ADAMTSL1: variants seen among roughly 807,000 people sequenced by gnomAD.
ADAMTSL1 encodes the protein ADAMTS like 1.
Under a neutral mutation model 201.8 loss-of-function variants are expected in ADAMTSL1, and 126 were observed. The ratio of observed to expected loss-of-function variants is 0.62; its 90% CI spans 0.54 to 0.72. ADAMTSL1 has a LOEUF of 0.72. Among genes scored for constraint, ADAMTSL1 ranks in the 30% least tolerant of loss-of-function variants. ADAMTSL1 has a pLI of 0.00. For synonymous variants in ADAMTSL1, 1,121 were observed against 903.4 expected, an observed-to-expected ratio of 1.24 and a Z score of -4.32; for missense variants, 2,679 against 2,277.8, an observed-to-expected ratio of 1.18 and a Z score of -3.59.
chr9:18,371,574 A>T (rs958983170), intron 2 of ADAMTSL1, among the ~76,000 whole-genome samples: 28 of 152,186 alleles, frequency 1.8e-4, no homozygotes, highest in Admixed American at 1.8e-3. Flanking sequence ...AGGTTTATGT[A>T]TTTCTTTGAA....
chr9:18,260,640 C>T (rs1460339702), intron 2 of ADAMTSL1, among the ~76,000 whole-genome samples: 1 of 152,224 alleles, frequency 6.6e-6, no homozygotes, highest in Non-Finnish European at 1.5e-5. Flanking sequence ...ATTGTTTCTG[C>T]TGCCAATCTG....
At chr9:18,032,885 C>CAA (rs1563960065) in intron 1 of ADAMTSL1, among the ~76,000 whole-genome samples, 2 of 116,950 alleles carry the variant, frequency 1.7e-5, no homozygotes, top group South Asian at 5.6e-4. Context: ...TGCTCAGTGA[C>CAA]TCTGTGTGGG....
chr9:18,328,818 C>T (rs1563890341), intron 2 of ADAMTSL1, among the ~76,000 whole-genome samples: 1 of 152,020 alleles, frequency 6.6e-6, no homozygotes, highest in Non-Finnish European at 1.5e-5. Flanking sequence ...GGTCACTGAC[C>T]CTGGAGGATA....
At chr9:18,098,380 G>T (rs1427219766) in intron 1 of ADAMTSL1, among the ~76,000 whole-genome samples, 1 of 152,068 alleles carries the variant, frequency 6.6e-6, no homozygotes, top group East Asian at 1.9e-4. Flanking sequence ...TCGTGGACAT[G>T]ATATATCTTT....
At chr9:18,714,122 C>G (rs1564174236) in intron 14 of ADAMTSL1, among the ~76,000 whole-genome samples, 1 of 152,152 alleles carries the variant, frequency 6.6e-6, no homozygotes, top group Admixed American at 6.5e-5. Flanking sequence ...AAATTTATAG[C>G]ACTAAATGCC....
chr9:18,814,987 TAAACCA>T (rs1454803845), intron 20 of ADAMTSL1, among the ~76,000 whole-genome samples: 1 of 152,008 alleles, frequency 6.6e-6, no homozygotes, highest in Non-Finnish European at 1.5e-5. Flanking sequence ...CAGAGAAATG[TAAACCA>T]AAACCAAAAT....
chr9:18,362,144 G>C (rs557768828), intron 2 of ADAMTSL1: 1 of 152,302 alleles, frequency 6.6e-6, no homozygotes, highest in African/African-American at 2.4e-5. Flanking sequence ...TCTGACACCA[G>C]TGGGCACATA....
chr9:18,202,638 A>C (rs1297155802), intron 2 of ADAMTSL1, among the ~76,000 whole-genome samples: 1 of 152,206 alleles, frequency 6.6e-6, no homozygotes, highest in Non-Finnish European at 1.5e-5. Flanking sequence ...CAAAATGAAG[A>C]CTATGCATCC....
chr9:18,473,396 C>G (rs975310488), upstream of ADAMTSL1, among the ~76,000 whole-genome samples: 2 of 152,174 alleles, frequency 1.3e-5, no homozygotes, highest in South Asian at 4.1e-4. Context: ...ACTGGGGGAT[C>G]TAAGTTTCTA....
intron 7 of ADAMTSL1, among the ~76,000 whole-genome samples, chr9:18,649,799 C>T (rs1351599363): frequency 6.6e-6 from 1 of 152,112 alleles, no homozygotes; most frequent in Admixed American, 6.5e-5. Context: ...TCTGCCCCTA[C>T]TGGGGGGTGC....
intron 20 of ADAMTSL1, among the ~76,000 whole-genome samples, chr9:18,802,892 C>T (rs1822888406): frequency 6.6e-6 from 1 of 152,202 alleles, no homozygotes; most frequent in Non-Finnish European, 1.5e-5. Flanking sequence ...ATTTTAATTA[C>T]AGCCAGCCTC....
chr9:18,763,018 T>C (rs1026657158), intron 16 of ADAMTSL1, among the ~76,000 whole-genome samples: 10 of 152,222 alleles, frequency 6.6e-5, no homozygotes, highest in Admixed American at 3.3e-4. Flanking sequence ...TTTGGGTATA[T>C]ACCCAGCAGT....
At chr9:18,618,536 A>AAAC (rs1480882632) in intron 4 of ADAMTSL1, among the ~76,000 whole-genome samples, 1 of 151,916 alleles carries the variant, frequency 6.6e-6, no homozygotes, top group African/African-American at 2.4e-5. Flanking sequence ...ATGAAAAAAA[A>AAAC]AACAAAATAA....
At chr9:18,906,300 T>C (rs1344955071) in intron 27 of ADAMTSL1, among the ~76,000 whole-genome samples, 1 of 152,114 alleles carries the variant, frequency 6.6e-6, no homozygotes, top group African/African-American at 2.4e-5. Flanking sequence ...TTCCTGAGTC[T>C]CAACCTACCA....
chr9:18,720,893 T>C (rs76158755), intron 14 of ADAMTSL1, among the ~76,000 whole-genome samples: 2,328 of 152,336 alleles, frequency 0.015, 18 homozygotes, highest in Middle Eastern at 0.031. Context: ...TTTCACTAGC[T>C]CTGAGTCAGG....
chr9:18,212,866 G>A (rs1829928344), intron 2 of ADAMTSL1, among the ~76,000 whole-genome samples: 1 of 152,056 alleles, frequency 6.6e-6, no homozygotes, highest in African/African-American at 2.4e-5. Context: ...CCCCACAATG[G>A]TCATAAGATT....
chr9:18,758,209 A>G (rs1819880418), intron 16 of ADAMTSL1, among the ~76,000 whole-genome samples: 1 of 152,116 alleles, frequency 6.6e-6, no homozygotes, highest in African/African-American at 2.4e-5. Flanking sequence ...TTTCTTTTTC[A>G]CTATGCAGTA....
chr9:17,913,128 G>A (rs555815755), intron 1 of ADAMTSL1, among the ~76,000 whole-genome samples: 18 of 152,200 alleles, frequency 1.2e-4, no homozygotes, highest in Admixed American at 4.6e-4. Flanking sequence ...GTCAGGTAGC[G>A]TGATACCTCC....
intron 14 of ADAMTSL1, among the ~76,000 whole-genome samples, chr9:18,710,689 T>TTA (rs1832524975): frequency 6.8e-6 from 1 of 147,868 alleles, no homozygotes; most frequent in Non-Finnish European, 1.5e-5. Context: ...TTTTTTTTTT[T>TTA]TACAAAATTG....
Sources: gnomAD v4.1 joint callset for allele counts (sites outside exome capture counted in the v4.1 genomes callset) on GRCh38, gnomAD v4.1.1 for gene constraint, MANE v1.5 for transcripts, NCBI Gene and HGNC (gene_info 2026-07-23, HGNC 2026-07-21) for gene names.